The following FGGY variants were observed in gnomAD, a reference collection of about 807,000 sequenced individuals.
FGGY encodes FGGY carbohydrate kinase domain containing.
A neutral mutation model predicts 71.3 loss-of-function variants in FGGY; 72 were observed. The ratio of observed to expected loss-of-function variants is 1.01; its 90% CI spans 0.84 to 1.23. The LOEUF is 1.23. Among genes scored for constraint, FGGY ranks in the 50% most tolerant of loss-of-function variants. The pLI is 0.00. For synonymous variants in FGGY, 251 were observed against 250.3 expected (o/e 1.00, Z -0.02); for missense variants, 668 against 682.3 (o/e 0.98, Z 0.23).
intron 9 of FGGY, among the ~76,000 whole-genome samples, chr1:59,618,819 G>T (rs186906726): frequency 7.8e-4 from 118 of 152,024 alleles, no homozygotes; most frequent in Non-Finnish European, 1.5e-3. Flanking sequence ...CAGGGGCATG[G>T]GAGACAATAG....
At chr1:59,317,935 T>G (rs556745941) in intron 1 of FGGY, among the ~76,000 whole-genome samples, 9 of 152,244 alleles carry the variant, frequency 5.9e-5, no homozygotes, top group African/African-American at 2.2e-4. Context: ...GAAGGGTCAG[T>G]CTCTGAAGAT....
intron 5 of FGGY, among the ~76,000 whole-genome samples, chr1:59,398,752 A>G (rs1033402245): frequency 2.0e-5 from 3 of 152,164 alleles, no homozygotes; most frequent in Non-Finnish European, 2.9e-5. Context: ...GTTTGATTAT[A>G]CTAGAACCTC....
chr1:59,680,829 G>C (rs929130824), intron 14 of FGGY: 1 of 152,090 alleles, frequency 6.6e-6, no homozygotes, highest in African/African-American at 2.4e-5. Flanking sequence ...CAAAGCCCAC[G>C]CTCTTTGTAT....
chr1:59,469,594 AT>A (rs553840936), intron 6 of FGGY, among the ~76,000 whole-genome samples: 30 of 151,398 alleles, frequency 2.0e-4, no homozygotes, highest in East Asian at 1.2e-3. Flanking sequence ...TTTTATTCAT[AT>A]TTTTTTTTAA....
At chr1:59,591,249 A>T (rs145419477) in intron 8 of FGGY, among the ~76,000 whole-genome samples, 8 of 152,022 alleles carry the variant, frequency 5.3e-5, no homozygotes, top group African/African-American at 9.7e-5. Flanking sequence ...GAAGGACCTC[A>T]TCAAGGAGAA....
intron 4 of FGGY, among the ~76,000 whole-genome samples, chr1:59,359,963 G>A (rs138390467): frequency 1.9e-4 from 29 of 152,238 alleles, no homozygotes; most frequent in Non-Finnish European, 2.6e-4. Flanking sequence ...GGTCTGAACC[G>A]TGGCATGGAC....
At chr1:59,602,359 A>T (rs2096586393) in intron 8 of FGGY, among the ~76,000 whole-genome samples, 5 of 152,216 alleles carry the variant, frequency 3.3e-5, no homozygotes, top group Admixed American at 1.3e-4. Flanking sequence ...AGAACCTAGA[A>T]GAGTCTGTAG....
At chr1:59,458,089 C>G (rs2091886225) in intron 6 of FGGY, among the ~76,000 whole-genome samples, 1 of 152,186 alleles carries the variant, frequency 6.6e-6, no homozygotes, top group African/African-American at 2.4e-5. Flanking sequence ...ATGGGAGGAC[C>G]TAGAAGGAAC....
At chr1:59,605,777 A>G (rs1335013388) in intron 8 of FGGY, among the ~76,000 whole-genome samples, 1 of 152,148 alleles carries the variant, frequency 6.6e-6, no homozygotes, top group Non-Finnish European at 1.5e-5. Flanking sequence ...GTCAAGACAA[A>G]TAAGGTCTGT....
At chr1:59,409,596 T>TA (rs1557833921) in intron 5 of FGGY, among the ~76,000 whole-genome samples, 6 of 84,032 alleles carry the variant, frequency 7.1e-5, no homozygotes, top group African/African-American at 2.4e-4. Context: ...AGGAAGAGTT[T>TA]TTTATATATA....
At chr1:59,637,534 G>A (rs142065399) in intron 10 of FGGY, among the ~76,000 whole-genome samples, 5,167 of 152,058 alleles carry the variant, frequency 0.034, 165 homozygotes, top group African/African-American at 0.088. Flanking sequence ...TCTGGGAGGC[G>A]GAGGTTGTAG....
intron 8 of FGGY, among the ~76,000 whole-genome samples, chr1:59,560,831 T>C (rs1571286846): frequency 6.6e-6 from 1 of 152,022 alleles, no homozygotes; most frequent in South Asian, 2.1e-4. Context: ...AAGTCTTGGG[T>C]AGATGAGGAG....
At chr1:59,651,683 T>G (rs1414144900) in intron 11 of FGGY, among the ~76,000 whole-genome samples, 3 of 151,250 alleles carry the variant, frequency 2.0e-5, no homozygotes, top group Non-Finnish European at 2.9e-5. Context: ...TACAGCACAC[T>G]GATGGTTCTT....
chr1:59,488,208 T>C (rs760978087), intron 6 of FGGY, among the ~76,000 whole-genome samples: 3 of 152,126 alleles, frequency 2.0e-5, no homozygotes, highest in Non-Finnish European at 2.9e-5. Context: ...GTTGGACACT[T>C]AAATGTTTAC....
At chr1:59,557,432 A>G (rs1033002865) in intron 8 of FGGY, among the ~76,000 whole-genome samples, 5 of 152,216 alleles carry the variant, frequency 3.3e-5, no homozygotes, top group Non-Finnish European at 7.4e-5. Context: ...GAATGACCAC[A>G]TAAGTGAGTA....
At position 59,715,268 on chromosome 1, in the gene FGGY, T is replaced by TA. The variant is rs112827005; in HGVS notation, c.1512+41141dup. ...AAAAGCAGCTGATCCATTGGTACCA[T>TA]AAAAAACCAATGCTGAGACCAAGGA... On this transcript the variant is annotated intron_variant, in intron 14 of 15. Transcript: ENST00000303721. Among the ~76,000 whole-genome samples the TA allele has an allele frequency of 7.0e-4, 106 of 152,248 alleles. 1 individual carries two copies. Among genetic ancestry groups the TA allele is most frequent in the African/African-American group, 2.5e-3 (103 of 41,556 alleles).
intron 8 of FGGY, among the ~76,000 whole-genome samples, chr1:59,571,034 A>G (rs1323807521): frequency 6.6e-6 from 1 of 152,200 alleles, no homozygotes; most frequent in Non-Finnish European, 1.5e-5. Context: ...AGCACTTGTC[A>G]TGGACAGCCG....
Position 59,392,407 on chromosome 1 carries a change from C to T in FGGY, c.554+13570C>T, listed in dbSNP as rs781041438. Among the ~76,000 whole-genome samples, 20 of 152,232 alleles carry T rather than the reference C, an allele frequency of 1.3e-4. No homozygotes were observed. The South Asian group carries it at 3.7e-3, about 28-fold the overall frequency. On this transcript the variant is annotated intron_variant, in intron 5 of 15. Coordinates refer to ENST00000303721, the MANE Select transcript of FGGY (RefSeq NM_018291.5). ...GGTGTGGCTTGGAGCTCGTAAGACTCGTGTCTGGTCCAACCAGGTAACTTG... is the reference window on the plus strand; with the variant it reads ...GGTGTGGCTTGGAGCTCGTAAGACTTGTGTCTGGTCCAACCAGGTAACTTG...
At chr1:59,489,118 T>C (rs1033963711) in intron 6 of FGGY, among the ~76,000 whole-genome samples, 1 of 152,164 alleles carries the variant, frequency 6.6e-6, no homozygotes, top group Non-Finnish European at 1.5e-5. Flanking sequence ...TGACGTTTTA[T>C]ACATATTTAG....
Sources: gnomAD v4.1 joint callset for allele counts (sites outside exome capture counted in the v4.1 genomes callset) on GRCh38, gnomAD v4.1.1 for gene constraint, MANE v1.5 for transcripts, NCBI Gene and HGNC (gene_info 2026-07-23, HGNC 2026-07-21) for gene names.